DACH2: variants seen among roughly 807,000 people sequenced by gnomAD.
DACH2 encodes the protein dachshund family transcription factor 2.
A neutral mutation model predicts 35.8 loss-of-function variants in DACH2; 17 were observed. That is an observed-to-expected ratio of 0.48 (90% confidence interval 0.33 to 0.71). The LOEUF is 0.71. DACH2 is among the 30% of genes least tolerant of loss of function. The probability of loss-of-function intolerance (pLI) is 0.02; values close to 1 mark genes in which losing one functional copy is unlikely to be tolerated. For synonymous variants in DACH2, 195 were observed against 177.3 expected (o/e 1.10, Z -0.79); for missense variants, 469 against 472.7 (o/e 0.99, Z 0.07).
intron 1 of DACH2, among the ~76,000 whole-genome samples, chrX:86,360,586 G>T (rs930245172): frequency 9.0e-6 from 1 of 110,709 alleles, no homozygotes; most frequent in Non-Finnish European, 1.9e-5. Context: ...TCACCCTATC[G>T]ACACATTTAT....
chrX:86,162,353 C>T (rs1339350060), intron 1 of DACH2, among the ~76,000 whole-genome samples: 1 of 110,051 alleles, frequency 9.1e-6, no homozygotes, highest in African/African-American at 3.3e-5. Flanking sequence ...TGGGAATGAA[C>T]AAAGGAATGA....
chrX:86,593,524 T>C (rs1235772793), intron 3 of DACH2, among the ~76,000 whole-genome samples: 5 of 109,299 alleles, frequency 4.6e-5, no homozygotes, highest in Non-Finnish European at 9.5e-5. Flanking sequence ...CCTTCTGGGT[T>C]CAAGCGATTC....
In DACH2 at chrX:86,571,830, A is replaced by T. The variant is rs552953652; in HGVS notation, c.640+57439A>T. On this transcript the variant is annotated intron_variant, in intron 3 of 11. Transcript: ENST00000373125. Reference sequence around the variant, plus strand: ...GATTGGAATCATATCAAATAAATAGATCAATTTGGGGAACACTACCATGTT... The same window carrying T: ...GATTGGAATCATATCAAATAAATAGTTCAATTTGGGGAACACTACCATGTT... Among the ~76,000 whole-genome samples the T allele has an allele frequency of 3.2e-4, 35 of 111,071 alleles. 2 individuals are homozygous for T. In the South Asian group the frequency reaches 0.012, roughly 38 times the overall value.
intron 2 of DACH2, among the ~76,000 whole-genome samples, chrX:86,407,072 C>T (rs1260718556): frequency 8.9e-6 from 1 of 111,738 alleles, no homozygotes; most frequent in Non-Finnish European, 1.9e-5. Flanking sequence ...CTTGAACTAA[C>T]ATGATTTGGT....
intron 2 of DACH2, among the ~76,000 whole-genome samples, chrX:86,389,441 A>G (rs780426938): frequency 1.7e-4 from 19 of 112,603 alleles, no homozygotes; most frequent in Non-Finnish European, 3.6e-4. Context: ...CATTAAGTTG[A>G]AAATGTTGTA....
intron 11 of DACH2, among the ~76,000 whole-genome samples, chrX:86,825,296 A>G (rs2042552632): frequency 9.0e-6 from 1 of 110,901 alleles, no homozygotes; most frequent in Non-Finnish European, 1.9e-5. Context: ...ACACGCCTGT[A>G]GTCCCAGCTA....
chrX:86,633,383 C>T (rs1481587096), intron 3 of DACH2, among the ~76,000 whole-genome samples: 1 of 110,970 alleles, frequency 9.0e-6, no homozygotes, highest in East Asian at 2.8e-4. Context: ...AAATATACAA[C>T]CTCCAAATAT....
intron 2 of DACH2, among the ~76,000 whole-genome samples, chrX:86,456,970 G>C (rs1880959123): frequency 9.0e-6 from 1 of 111,322 alleles, no homozygotes; most frequent in Admixed American, 9.6e-5. Context: ...TTGCATCTTT[G>C]TTTTCTTGTA....
intron 2 of DACH2, among the ~76,000 whole-genome samples, chrX:86,442,353 TTTTG>T (rs1333099914): frequency 3.3e-4 from 25 of 75,360 alleles, no homozygotes; most frequent in African/African-American, 1.3e-3. Context: ...TTAAGTAGTA[TTTTG>T]TGTGTGTGTG....
chrX:86,322,814 T>C (rs1303797162), intron 1 of DACH2, among the ~76,000 whole-genome samples: 2 of 112,359 alleles, frequency 1.8e-5, no homozygotes, highest in Non-Finnish European at 3.8e-5. Context: ...AAAATCCCCT[T>C]TCTATTTAGA....
intron 1 of DACH2, among the ~76,000 whole-genome samples, chrX:86,312,205 G>C (rs745868929): frequency 2.7e-5 from 3 of 112,077 alleles, no homozygotes; most frequent in Non-Finnish European, 5.6e-5. Context: ...GTATACACTT[G>C]TAATAAGAAA....
At chrX:86,414,146 C>T (rs1271970120) in intron 2 of DACH2, among the ~76,000 whole-genome samples, 3 of 111,704 alleles carry the variant, frequency 2.7e-5, no homozygotes, top group African/African-American at 3.3e-5. Context: ...TGTAAACTGG[C>T]TAACTGGCTC....
At chrX:86,529,272 T>A (rs1256698457) in intron 3 of DACH2, among the ~76,000 whole-genome samples, 2 of 111,021 alleles carry the variant, frequency 1.8e-5, no homozygotes, top group Non-Finnish European at 3.8e-5. Context: ...CTTGAACTCC[T>A]GGCCTAAAGT....
chrX:86,592,190 T>C (rs927319007), intron 3 of DACH2, among the ~76,000 whole-genome samples: 1 of 111,944 alleles, frequency 8.9e-6, no homozygotes, highest in Admixed American at 9.5e-5. Flanking sequence ...CATTCTTAAT[T>C]AAATTGTTGT....
rs181573652 is a variant in DACH2 at position 86,388,968 on chromosome X, G to C, written c.527+12106G>C. On this transcript the variant is annotated intron_variant, in intron 2 of 11. Transcript: ENST00000373125. Reference sequence around the variant, plus strand: ...TTGCTCAAAAAATACAGACTTTAAGGCTTATATAAAATATGTGTTTCGGTG... The same window carrying C: ...TTGCTCAAAAAATACAGACTTTAAGCCTTATATAAAATATGTGTTTCGGTG... 1.4e-4 allele frequency among the ~76,000 whole-genome samples: 16 copies of C among 110,925 alleles called. No individual in the cohort carries two copies. In the East Asian group the frequency reaches 4.0e-3, roughly 28 times the overall value.
At chrX:86,243,873 C>A (rs1016812339) in intron 1 of DACH2, among the ~76,000 whole-genome samples, 3 of 111,992 alleles carry the variant, frequency 2.7e-5, no homozygotes, top group East Asian at 2.8e-4. Flanking sequence ...CCATTTAGAT[C>A]TTTCCATATG....
intron 2 of DACH2, among the ~76,000 whole-genome samples, chrX:86,382,461 T>TACACACACACACACACACACACACACAC (rs55825336): frequency 1.1e-5 from 1 of 94,613 alleles, no homozygotes; most frequent in African/African-American, 4.0e-5. Flanking sequence ...GCTACATTCA[T>TACACACACACACACACACACACACACAC]ACACACACAC....
chrX:86,742,592 T>C, intron 7 of DACH2: 1 of 187,786 alleles, frequency 5.3e-6, no homozygotes, highest in Admixed American at 6.5e-5. Flanking sequence ...TTCTGCCTTT[T>C]TTCTGGGTAT....
chrX:86,520,859 C>A (rs1274635943), intron 3 of DACH2, among the ~76,000 whole-genome samples: 1 of 111,300 alleles, frequency 9.0e-6, no homozygotes, highest in Admixed American at 9.6e-5. Context: ...ATCCATCTTG[C>A]CACTATGTGC....
Sources: gnomAD v4.1 joint callset for allele counts (sites outside exome capture counted in the v4.1 genomes callset) on GRCh38, gnomAD v4.1.1 for gene constraint, MANE v1.5 for transcripts, NCBI Gene and HGNC (gene_info 2026-07-23, HGNC 2026-07-21) for gene names.